ZMIZ1: variants seen among roughly 807,000 people sequenced by gnomAD.
The protein encoded by ZMIZ1 is zinc finger MIZ-type containing 1.
Under a neutral mutation model 113.9 loss-of-function variants are expected in ZMIZ1, and 17 were observed. The ratio of observed to expected loss-of-function variants is 0.15; its 90% CI spans 0.10 to 0.22. The LOEUF is 0.22. ZMIZ1 is among the 10% of genes least tolerant of loss of function. ZMIZ1 has a pLI of 1.00. For missense variants in ZMIZ1, 1,059 were observed against 1,477.8 expected (o/e 0.72, Z 4.65); for synonymous variants, 607 against 603.1 (o/e 1.01, Z -0.09).
At chr10:79,100,632 C>T (rs962805516) in intron 1 of ZMIZ1, among the ~76,000 whole-genome samples, 1 of 152,140 alleles carries the variant, frequency 6.6e-6, no homozygotes, top group Admixed American at 6.5e-5. Context: ...ATTTGCAGAC[C>T]AGTAGCTGCA....
At chr10:79,278,408 T>TTTA (rs533836534) in intron 8 of ZMIZ1, among the ~76,000 whole-genome samples, 6 of 150,746 alleles carry the variant, frequency 4.0e-5, no homozygotes, top group South Asian at 2.1e-4. Flanking sequence ...ATTATTATTA[T>TTTA]TTATTATTAT....
chr10:79,227,098 G>T (rs975092888), intron 7 of ZMIZ1, among the ~76,000 whole-genome samples: 2 of 152,220 alleles, frequency 1.3e-5, no homozygotes, highest in Non-Finnish European at 2.9e-5. Context: ...AGCCAAAATT[G>T]TGATTCAAAC....
chr10:79,158,809 T>A (rs1169391117), intron 3 of ZMIZ1, among the ~76,000 whole-genome samples: 1 of 152,218 alleles, frequency 6.6e-6, no homozygotes, highest in Non-Finnish European at 1.5e-5. Flanking sequence ...AAGTGACATC[T>A]GCCTTGTCTG....
intron 1 of ZMIZ1, among the ~76,000 whole-genome samples, chr10:79,083,795 T>C (rs571987362): frequency 1.3e-5 from 2 of 152,322 alleles, no homozygotes; most frequent in Non-Finnish European, 2.9e-5. Context: ...CCTGTCCACC[T>C]CCGTGAAACA....
intron 6 of ZMIZ1, among the ~76,000 whole-genome samples, chr10:79,209,004 A>G (rs995077072): frequency 6.6e-6 from 1 of 152,130 alleles, no homozygotes; most frequent in Non-Finnish European, 1.5e-5. Context: ...CGGAGGAGGC[A>G]GATGTGTAAA....
intron 1 of ZMIZ1, among the ~76,000 whole-genome samples, chr10:79,111,004 A>G (rs1419279103): frequency 6.6e-6 from 1 of 152,208 alleles, no homozygotes; most frequent in Non-Finnish European, 1.5e-5. Context: ...GACTCCTTGC[A>G]CAGTTATGCA....
intron 5 of ZMIZ1, among the ~76,000 whole-genome samples, chr10:79,205,481 C>T (rs1848280415): frequency 6.6e-6 from 1 of 152,212 alleles, no homozygotes; most frequent in African/African-American, 2.4e-5. Context: ...TTTCTCCCCT[C>T]AGGAGGCTCA....
At chr10:79,294,109 T>C in intron 12 of ZMIZ1, 1 of 205,596 alleles carries the variant, frequency 4.9e-6, no homozygotes, top group Non-Finnish European at 1.0e-5. Flanking sequence ...GGGAAGTGAC[T>C]GGAAGGCAGG....
intron 4 of ZMIZ1, among the ~76,000 whole-genome samples, chr10:79,199,047 T>C (rs931570603): frequency 6.7e-6 from 1 of 149,722 alleles, no homozygotes; most frequent in Non-Finnish European, 1.5e-5. Context: ...AAAAAAAAAT[T>C]GGAAAAAGCT....
intron 7 of ZMIZ1, among the ~76,000 whole-genome samples, chr10:79,263,746 G>C (rs938329101): frequency 1.1e-4 from 17 of 152,116 alleles, no homozygotes; most frequent in Non-Finnish European, 2.9e-5. Context: ...AATCAAGGGA[G>C]TACATGACAA....
At position 79,283,600 on chromosome 10, in the gene ZMIZ1, T is replaced by C. The variant is rs934248804; in HGVS notation, c.426-6175T>C. On this transcript the variant is annotated intron_variant, in intron 8 of 24. Coordinates refer to ENST00000334512, the MANE Select transcript of ZMIZ1 (RefSeq NM_020338.4). ...CGGTTTTGCATAGCTTCACCAAAGCTCAGTTTATGTTAGGGCTTTGTTGCC... is the reference window on the plus strand; with the variant it reads ...CGGTTTTGCATAGCTTCACCAAAGCCCAGTTTATGTTAGGGCTTTGTTGCC... Among the ~76,000 whole-genome samples, 2 of 152,148 alleles carry C rather than the reference T, an allele frequency of 1.3e-5. 1 individual carries two copies.
At chr10:79,149,551 C>T (rs1845626766) in intron 3 of ZMIZ1, among the ~76,000 whole-genome samples, 1 of 152,224 alleles carries the variant, frequency 6.6e-6, no homozygotes, top group Non-Finnish European at 1.5e-5. Flanking sequence ...CCAAGCTCCC[C>T]TCCCACCCAG....
At chr10:79,304,622 G>C (rs1387882998) in intron 19 of ZMIZ1, among the ~76,000 whole-genome samples, 1 of 152,224 alleles carries the variant, frequency 6.6e-6, no homozygotes, top group Non-Finnish European at 1.5e-5. Context: ...GGAAGAAGAA[G>C]GAGCCGTCTT....
At chr10:79,252,306 A>G (rs1850602672) in intron 7 of ZMIZ1, among the ~76,000 whole-genome samples, 1 of 152,110 alleles carries the variant, frequency 6.6e-6, no homozygotes, top group South Asian at 2.1e-4. Flanking sequence ...ACCTTCTCAG[A>G]TAAATACATT....
intron 3 of ZMIZ1, among the ~76,000 whole-genome samples, chr10:79,161,013 C>A (rs948879407): frequency 6.6e-6 from 1 of 152,214 alleles, no homozygotes. Context: ...CCAGCCAGGC[C>A]TCTGGGTGTC....
At chr10:79,275,484 G>A (rs770913145) in intron 7 of ZMIZ1, among the ~76,000 whole-genome samples, 7 of 152,216 alleles carry the variant, frequency 4.6e-5, no homozygotes, top group South Asian at 4.1e-4. Flanking sequence ...CAGCTCTGGC[G>A]ACTTCTCGGG....
chr10:79,171,196 G>A (rs545402890), intron 4 of ZMIZ1, among the ~76,000 whole-genome samples: 1 of 152,356 alleles, frequency 6.6e-6, no homozygotes, highest in South Asian at 2.1e-4. Context: ...GAGTTAATAA[G>A]CAGAGGTGAA....
intron 7 of ZMIZ1, among the ~76,000 whole-genome samples, chr10:79,238,334 G>A (rs1849679976): frequency 6.6e-6 from 1 of 152,206 alleles, no homozygotes; most frequent in African/African-American, 2.4e-5. Flanking sequence ...TTCTGGGAAT[G>A]CAGCCTGGGT....
At chr10:79,261,541 C>T (rs1851271857) in intron 7 of ZMIZ1, among the ~76,000 whole-genome samples, 1 of 152,224 alleles carries the variant, frequency 6.6e-6, no homozygotes, top group African/African-American at 2.4e-5. Flanking sequence ...CTGTCTGTCC[C>T]TCGCCTACCT....
Sources: gnomAD v4.1 joint callset for allele counts (sites outside exome capture counted in the v4.1 genomes callset) on GRCh38, gnomAD v4.1.1 for gene constraint, MANE v1.5 for transcripts, NCBI Gene and HGNC (gene_info 2026-07-23, HGNC 2026-07-21) for gene names.